The following CUBN variants were observed in gnomAD, a reference collection of about 807,000 sequenced individuals.
CUBN encodes 460 kDa receptor.
In CUBN, 282 loss-of-function variants were observed where a neutral mutation model predicts 405.3. That is an observed-to-expected ratio of 0.70 (90% CI 0.63 to 0.77). CUBN has a LOEUF of 0.77. Ranked by LOEUF, CUBN falls within the 30% of genes least tolerant of loss-of-function variation. CUBN has a pLI of 0.00. For missense variants in CUBN, 4,514 were observed against 4,475.2 expected, an observed-to-expected ratio of 1.01 and a Z score of -0.25; for synonymous variants, 1,684 against 1,617.0, an observed-to-expected ratio of 1.04 and a Z score of -0.99.
In CUBN at chr10:16,954,409, A is replaced by T; in HGVS notation, c.4835T>A (p.Phe1612Tyr). 1 of 1,614,138 alleles carries T rather than the reference A, an allele frequency of 6.2e-7. No individual in the cohort carries two copies. The highest frequency in any genetic ancestry group is 2.2e-5 in the East Asian group (1 of 44,886). ...QSGPSRQNRG[F>Y]RAQFRQACGG... is the part of the protein sequence containing the mutation. The stretch of plus-strand genomic sequence containing the variant: ...CTTGCCTTGCCTGAATTGAGCTCGG[A>T]AGCCTCTGTTCTGTCTGGAAGGGCC... Residue 1612 changes from phenylalanine (F) to tyrosine (Y), a missense_variant, in exon 32 of 67, where the codon TTC becomes TAC. Phe to Tyr is a conservative substitution (Grantham distance 22). Coordinates refer to ENST00000377833, the MANE Select transcript of CUBN (RefSeq NM_001081.4).
At chr10:17,072,565 TA>T (rs1203745442) in intron 17 of CUBN, among the ~76,000 whole-genome samples, 2 of 151,964 alleles carry the variant, frequency 1.3e-5, no homozygotes, top group Non-Finnish European at 2.9e-5. Flanking sequence ...ACAATTTTTT[TA>T]AGTTAGAAAA....
chr10:17,018,669 C>T (rs2131779960), intron 28 of CUBN, among the ~76,000 whole-genome samples: 1 of 152,306 alleles, frequency 6.6e-6, no homozygotes, highest in East Asian at 1.9e-4. Flanking sequence ...TTATTTGGCC[C>T]TGCCCACGTC....
intron 28 of CUBN, among the ~76,000 whole-genome samples, chr10:17,019,564 G>T (rs1233986145): frequency 6.6e-6 from 1 of 152,056 alleles, no homozygotes; most frequent in Non-Finnish European, 1.5e-5. Context: ...ACTTCATTCT[G>T]CTTCTTTCTT....
intron 22 of CUBN, among the ~76,000 whole-genome samples, chr10:17,064,845 G>A (rs1835577565): frequency 6.6e-6 from 1 of 152,126 alleles, no homozygotes; most frequent in Admixed American, 6.5e-5. Flanking sequence ...TACAATGAAA[G>A]GAATAAATGC....
chr10:16,852,133 A>G (rs983187050), intron 59 of CUBN, among the ~76,000 whole-genome samples: 1 of 12,268 alleles, frequency 8.2e-5, no homozygotes, highest in Admixed American at 9.9e-4. Flanking sequence ...CCCTCCCTCC[A>G]TCTTTCCCTC....
chr10:17,004,681 T>C (rs1833970436), intron 28 of CUBN, among the ~76,000 whole-genome samples: 1 of 151,638 alleles, frequency 6.6e-6, no homozygotes, highest in Admixed American at 6.6e-5. Context: ...GCTCTTTTTT[T>C]TTTTTTTTAG....
intron 21 of CUBN, 26 bp from the exon 22 acceptor site, chr10:17,065,664 T>A: frequency 6.2e-7 from 1 of 1,612,516 alleles, no homozygotes; most frequent in East Asian, 2.2e-5. Flanking sequence ...AAAGGACAGA[T>A]GTGTGTATTT....
At chr10:16,960,964 G>T (rs1474526258) in intron 31 of CUBN, among the ~76,000 whole-genome samples, 5 of 152,182 alleles carry the variant, frequency 3.3e-5, no homozygotes, top group Admixed American at 3.3e-4. Flanking sequence ...AAGGCCCAGA[G>T]TATTCTGAAC....
intron 54 of CUBN, among the ~76,000 whole-genome samples, chr10:16,895,975 C>T (rs1841171128): frequency 6.6e-6 from 1 of 152,016 alleles, no homozygotes; most frequent in Non-Finnish European, 1.5e-5. Flanking sequence ...CTTGGGGATT[C>T]CATTTTGATT....
At chr10:16,960,976 CAT>C (rs1183310422) in intron 31 of CUBN, among the ~76,000 whole-genome samples, 1 of 152,348 alleles carries the variant, frequency 6.6e-6, no homozygotes, top group Admixed American at 6.5e-5. Context: ...ATTCTGAACA[CAT>C]GATATATTAT....
chr10:16,916,348 G>C (rs1428816545), intron 45 of CUBN, among the ~76,000 whole-genome samples: 1 of 152,202 alleles, frequency 6.6e-6, no homozygotes, highest in African/African-American at 2.4e-5. Flanking sequence ...ATAGTCGCAA[G>C]TAAGTTTCAT....
rs749528771 is a variant in CUBN, at chr10:17,043,997, T to G, written c.3673-14A>C. On this transcript the variant is annotated splice_polypyrimidine_tract_variant and intron_variant, in intron 25 of 66. Transcript: ENST00000377833. Reference sequence around the variant, plus strand: ...GCCATCATATACCTTTAAGAAAATATTTTGAATGTTAGATGGTTGAGACTA... The same window carrying G: ...GCCATCATATACCTTTAAGAAAATAGTTTGAATGTTAGATGGTTGAGACTA... 4.3e-6 allele frequency: 7 copies of G among 1,609,238 alleles called. No homozygotes were observed. In the East Asian group the frequency reaches 1.6e-4, roughly 36 times the overall value.
chr10:16,907,404 A>G, intron 49 of CUBN, 104 bp downstream of exon 49: 1 of 1,188,588 alleles, frequency 8.4e-7, no homozygotes, highest in East Asian at 2.4e-5. Context: ...GATTTCAAGT[A>G]TCACTAAAGG....
At chr10:16,865,087 G>A (rs922771743) in intron 59 of CUBN, among the ~76,000 whole-genome samples, 2 of 148,462 alleles carry the variant, frequency 1.3e-5, no homozygotes, top group African/African-American at 5.0e-5. Flanking sequence ...TCCTGCCTCA[G>A]CCTCCCAAGT....
At chr10:16,914,060 C>T in intron 47 of CUBN, 68 bp from the exon 48 acceptor site, 1 of 1,544,822 alleles carries the variant, frequency 6.5e-7, no homozygotes, top group Non-Finnish European at 8.9e-7. Flanking sequence ...CAAGAAAGCT[C>T]TCAAAATTCA....
intron 30 of CUBN, among the ~76,000 whole-genome samples, chr10:16,982,997 T>A (rs937300848): frequency 3.1e-5 from 2 of 64,902 alleles, no homozygotes; most frequent in African/African-American, 6.2e-5. Flanking sequence ...AAGAATAACA[T>A]GTTTCCTTCC....
At chr10:16,851,851 A>C (rs1270413690) in intron 59 of CUBN, among the ~76,000 whole-genome samples, 168 of 25,352 alleles carry the variant, frequency 6.6e-3, no homozygotes, top group Admixed American at 0.011. Flanking sequence ...TCCCTCCCTC[A>C]CTCTCTTTCC....
chr10:17,046,230 T>C (rs1835129017), intron 23 of CUBN, 136 bp from the exon 24 acceptor site: 1 of 739,664 alleles, frequency 1.4e-6, no homozygotes, highest in Non-Finnish European at 2.2e-6. Context: ...ACACTACACT[T>C]ACTCTAAAAA....
chr10:16,831,558 A>G (rs1838995235), intron 64 of CUBN, 141 bp from the exon 65 acceptor site: 3 of 757,610 alleles, frequency 4.0e-6, no homozygotes, highest in Non-Finnish European at 2.2e-6. Flanking sequence ...GTTTTCTGAA[A>G]ATACATGCAG....
Sources: allele counts gnomAD v4.1 joint callset (sites outside exome capture counted in the v4.1 genomes callset), GRCh38; gene constraint gnomAD v4.1.1; transcripts MANE v1.5; gene names NCBI Gene and HGNC (gene_info 2026-07-23, HGNC 2026-07-21).